Variants in PIGS observed in about 807,000 individuals in gnomAD.
PIGS encodes the protein phosphatidylinositol glycan anchor biosynthesis class S.
A neutral mutation model predicts 58.2 loss-of-function variants in PIGS; 37 were observed. The ratio of observed to expected loss-of-function variants is 0.64; its 90% CI spans 0.49 to 0.84. The LOEUF (loss-of-function observed/expected upper bound fraction) is 0.84. Among genes scored for constraint, PIGS ranks in the 40% least tolerant of loss-of-function variants. PIGS has a pLI of 0.00. For synonymous variants in PIGS, 269 were observed against 289.2 expected (o/e 0.93, Z 0.71); for missense variants, 629 against 710.8 (o/e 0.88, Z 1.31).
intron 10 of PIGS, chr17:28,555,808 A>C: frequency 4.9e-6 from 1 of 205,016 alleles, no homozygotes; most frequent in Non-Finnish European, 1.0e-5. Context: ...GTTTCTACTA[A>C]AATTACAAAA....
chr17:28,563,827 T>A lies in PIGS; in HGVS notation c.367A>T (p.Ser123Cys). Residue 123 changes from serine to cysteine, a missense_variant, in exon 4 of 12, where the codon AGT becomes TGT. By Grantham distance (112) the Ser-to-Cys change is moderately radical (BLOSUM62 -1). Transcript: ENST00000308360. ...TCATCCCTTCCCATACCTTGCACAC[T>A]GCCCGATGACAGGGCCTCCTCCTCA... Reference protein sequence around the residue: ...DHEEEALSSGSVQEAEAMLDE... With the variant: ...DHEEEALSSGCVQEAEAMLDE... The A allele has an allele frequency of 6.2e-7, 1 of 1,613,560 alleles. No homozygotes were observed. Among genetic ancestry groups the A allele is most frequent in the East Asian group, 2.2e-5 (1 of 44,876 alleles).
intron 3 of PIGS, among the ~76,000 whole-genome samples, chr17:28,570,501 G>T (rs1207639219): frequency 1.3e-5 from 2 of 152,184 alleles, no homozygotes; most frequent in Non-Finnish European, 2.9e-5. Flanking sequence ...ACAGAGCGAA[G>T]CTCCGTCTCA....
intron 5 of PIGS, 130 bp from the exon 6 acceptor site, chr17:28,561,759 T>C: frequency 1.2e-6 from 1 of 816,022 alleles, no homozygotes; most frequent in Non-Finnish European, 1.9e-6. Flanking sequence ...TTGAGATTCA[T>C]GAGCTATTAA....
At chr17:28,568,663 C>T (rs776757084) in intron 3 of PIGS, among the ~76,000 whole-genome samples, 1 of 152,198 alleles carries the variant, frequency 6.6e-6, no homozygotes, top group Non-Finnish European at 1.5e-5. Flanking sequence ...ACCCTTTATA[C>T]GTGTTGCCTA....
intron 3 of PIGS, 143 bp from the exon 4 acceptor site, chr17:28,564,050 T>C (rs2070381079): frequency 4.5e-6 from 3 of 671,602 alleles, no homozygotes; most frequent in African/African-American, 3.6e-5. Flanking sequence ...CCAACTCTAA[T>C]GATTTCTGCA....
intron 10 of PIGS, chr17:28,555,882 T>A (rs551940187): frequency 3.4e-6 from 1 of 292,446 alleles, no homozygotes; most frequent in African/African-American, 2.2e-5. Context: ...AGGCAGAGAA[T>A]TGCTTGAACC....
Position 28,556,137 on chromosome 17 carries a change from GT to G in PIGS, c.1181+28del, listed in dbSNP as rs780989667. The G allele has an allele frequency of 3.8e-6, 6 of 1,572,378 alleles. No individual in the cohort carries two copies. In the South Asian group the frequency reaches 6.7e-5, roughly 17 times the overall value. On this transcript the variant is annotated intron_variant, in intron 10 of 11. Transcript: ENST00000308360. The stretch of plus-strand genomic sequence containing the variant: ...TCCCCTCTACAGCCAAGGAGACTAT[GT>G]CCCCAAGTGGATCATCCAGGACCTC...
rs897759475 is a variant in PIGS at position 28,555,247 on chromosome 17, C to T, written c.1182-186G>A. 8.3e-5 allele frequency: 46 copies of T among 555,572 alleles called. No individual in the cohort carries two copies. In the Admixed American group the frequency reaches 1.0e-3, roughly 13 times the overall value. The allele number at this position is 555,572 out of a possible 1,614,324, so 34.4% of individuals were successfully genotyped here. A position where few individuals can be genotyped will look rare whatever the true frequency, so the allele number is the denominator to read the frequency against. ...CAACACCAAACAAGTTGGCCCCAAA[C>T]GCTGCTTCAACAGGTGTTTCTGCTT... On this transcript the variant is annotated intron_variant, in intron 10 of 11. Coordinates refer to ENST00000308360, the MANE Select transcript of PIGS (RefSeq NM_033198.4).
chr17:28,554,926 G>A lies in PIGS; in HGVS notation c.1317C>T (p.Thr439=). The A allele has an allele frequency of 6.2e-7, 1 of 1,613,990 alleles. No individual in the cohort carries two copies. The highest frequency in any genetic ancestry group is 8.5e-7 in the Non-Finnish European group (1 of 1,179,898). Residue 439 remains threonine (T), a synonymous_variant, in exon 11 of 12, where the codon ACC becomes ACT. Transcript: ENST00000308360. ...ARSVENLATA[T]TTLTSLAQLL... is the part of the protein sequence containing the mutation. Reference sequence around the variant, plus strand: ...GCTGCGCCAGGGAGGTAAGGGTGGTGGTGGCTGTGGCCAGGTTCTCCACTG... The same window carrying A: ...GCTGCGCCAGGGAGGTAAGGGTGGTAGTGGCTGTGGCCAGGTTCTCCACTG...
At chr17:28,570,596 T>C (rs1379677292) in intron 3 of PIGS, among the ~76,000 whole-genome samples, 1 of 152,242 alleles carries the variant, frequency 6.6e-6, no homozygotes, top group African/African-American at 2.4e-5. Flanking sequence ...TTCTTTCCAC[T>C]ATATCCCACC....
At chr17:28,565,027 T>C (rs1387052928) in intron 3 of PIGS, among the ~76,000 whole-genome samples, 1 of 152,192 alleles carries the variant, frequency 6.6e-6, no homozygotes, top group Non-Finnish European at 1.5e-5. Flanking sequence ...ACCAATGTAA[T>C]ATGTGAAGAA....
intron 3 of PIGS, among the ~76,000 whole-genome samples, chr17:28,567,165 A>T (rs1330163173): frequency 6.6e-6 from 1 of 152,254 alleles, no homozygotes; most frequent in Non-Finnish European, 1.5e-5. Context: ...ACCTGAACTC[A>T]CTACATAATC....
chr17:28,571,524 T>A lies in PIGS; in HGVS notation c.-28A>T. 1 of 1,590,604 alleles carries A rather than the reference T, an allele frequency of 6.3e-7. No homozygotes were observed. Among genetic ancestry groups the A allele is most frequent in the African/African-American group, 1.3e-5 (1 of 74,440 alleles). On this transcript the variant is annotated 5_prime_UTR_variant, in exon 1 of 12. Coordinates refer to ENST00000308360, the MANE Select transcript of PIGS (RefSeq NM_033198.4). ...TAGCTTCCGGCTGCTCCGGCCACCG[T>A]GGGGGCAGAGCTTCGTGAGCCTCAC...
intron 3 of PIGS, among the ~76,000 whole-genome samples, chr17:28,568,113 CTT>C (rs774276407): frequency 6.8e-6 from 1 of 146,618 alleles, no homozygotes. Context: ...GTCTTTTTTT[CTT>C]TTTTTTTTTG....
At chr17:28,565,372 C>G (rs535581193) in intron 3 of PIGS, among the ~76,000 whole-genome samples, 36 of 151,886 alleles carry the variant, frequency 2.4e-4, no homozygotes, top group Non-Finnish European at 4.3e-4. Context: ...ATACAAGGCC[C>G]CTAGATGAAT....
At chr17:28,559,699 C>CAAAAAA (rs761803589) in intron 7 of PIGS, among the ~76,000 whole-genome samples, 1 of 45,696 alleles carries the variant, frequency 2.2e-5, no homozygotes, top group African/African-American at 8.2e-5. Flanking sequence ...GACTCTGTCT[C>CAAAAAA]AAAAAAAAAA....
intron 3 of PIGS, among the ~76,000 whole-genome samples, chr17:28,570,485 T>C (rs1048388873): frequency 6.6e-6 from 1 of 152,252 alleles, no homozygotes; most frequent in African/African-American, 2.4e-5. Context: ...CACTCCAGCC[T>C]GGGCGACAGA....
chr17:28,558,603 CAG>C lies in PIGS; in HGVS notation c.820-15_820-14del. ...CATAGTAAAGAATCTGTAGAGCAAA[CAG>C]GGAGTGGTTACTTTGTTTAGATTTA... On this transcript the variant is annotated splice_polypyrimidine_tract_variant and intron_variant, in intron 7 of 11. Transcript: ENST00000308360. 1 of 1,580,332 alleles carries C rather than the reference CAG, an allele frequency of 6.3e-7. No homozygotes were observed. The highest frequency in any genetic ancestry group is 8.7e-7 in the Non-Finnish European group (1 of 1,155,656).
intron 3 of PIGS, among the ~76,000 whole-genome samples, chr17:28,569,546 G>T (rs1193254243): frequency 3.3e-5 from 5 of 151,324 alleles, no homozygotes; most frequent in Admixed American, 3.3e-4. Flanking sequence ...ATGGCACACA[G>T]ATGCCTCATG....
Sources: gnomAD v4.1 joint callset for allele counts (sites outside exome capture counted in the v4.1 genomes callset) on GRCh38, gnomAD v4.1.1 for gene constraint, MANE v1.5 for transcripts, NCBI Gene and HGNC (gene_info 2026-07-23, HGNC 2026-07-21) for gene names.